The following PTPRD variants were observed in gnomAD, a reference collection of about 807,000 sequenced individuals.
The protein encoded by PTPRD is protein tyrosine phosphatase receptor type D.
A neutral mutation model predicts 214.5 loss-of-function variants in PTPRD; 34 were observed. The observed-to-expected ratio is 0.16, with a 90% CI of 0.12 to 0.21. The LOEUF (loss-of-function observed/expected upper bound fraction) is 0.21. Among genes scored for constraint, PTPRD ranks in the 10% least tolerant of loss-of-function variants. The pLI is 1.00. For synonymous variants in PTPRD, 1,128 were observed against 845.7 expected, an observed-to-expected ratio of 1.33 and a Z score of -5.79; for missense variants, 2,545 against 2,398.7, an observed-to-expected ratio of 1.06 and a Z score of -1.27.
intron 11 of PTPRD, among the ~76,000 whole-genome samples, chr9:8,972,162 A>G (rs1357818301): frequency 1.3e-5 from 2 of 151,818 alleles, no homozygotes; most frequent in Non-Finnish European, 2.9e-5. Context: ...CTATGATATT[A>G]TACCTTACCA....
intron 3 of PTPRD, among the ~76,000 whole-genome samples, chr9:10,039,201 A>G (rs1433692680): frequency 1.3e-5 from 2 of 152,100 alleles, no homozygotes; most frequent in East Asian, 3.9e-4. Flanking sequence ...ATCATCTACA[A>G]AAATTATGAA....
chr9:10,121,106 C>A lies in PTPRD; in HGVS notation c.-544-87316G>T, dbSNP rs372671078. On this transcript the variant is annotated intron_variant, in intron 3 of 45. Coordinates refer to ENST00000381196, the MANE Select transcript of PTPRD (RefSeq NM_002839.4). ...TGTTTTTAAAATACCTTTAATATTT[C>A]AATATTCTTTAAACTTGATTATTAG... Among the ~76,000 whole-genome samples the A allele has an allele frequency of 5.2e-4, 79 of 152,122 alleles. 2 individuals carry two copies. The South Asian group carries it at 0.016, about 30-fold the overall frequency.
chr9:8,331,310 A>G (rs1399655707), intron 44 of PTPRD, among the ~76,000 whole-genome samples: 2 of 152,164 alleles, frequency 1.3e-5, no homozygotes, highest in Admixed American at 1.3e-4. Flanking sequence ...GGTACCAACA[A>G]TTCCCATTAA....
chr9:9,841,480 T>G (rs1372019972), intron 5 of PTPRD, among the ~76,000 whole-genome samples: 2 of 152,140 alleles, frequency 1.3e-5, no homozygotes, highest in East Asian at 3.8e-4. Context: ...TGTATGCCAG[T>G]TCATGACAAA....
At chr9:8,799,965 TAATA>T (rs2096538381) in intron 11 of PTPRD, among the ~76,000 whole-genome samples, 1 of 151,966 alleles carries the variant, frequency 6.6e-6, no homozygotes, top group Non-Finnish European at 1.5e-5. Context: ...CTGTTAGAAA[TAATA>T]AATATAGTGC....
At chr9:10,307,521 A>G (rs1360204241) in intron 3 of PTPRD, among the ~76,000 whole-genome samples, 2 of 152,066 alleles carry the variant, frequency 1.3e-5, no homozygotes, top group Non-Finnish European at 2.9e-5. Context: ...TACAATATAC[A>G]TGGAGGTGAA....
At chr9:8,352,180 C>T (rs2075693254) in intron 39 of PTPRD, among the ~76,000 whole-genome samples, 2 of 151,912 alleles carry the variant, frequency 1.3e-5, no homozygotes, top group Admixed American at 1.3e-4. Flanking sequence ...GAACACACTC[C>T]CTATTATTCT....
At chr9:8,833,930 G>A (rs995594953) in intron 11 of PTPRD, among the ~76,000 whole-genome samples, 19 of 117,744 alleles carry the variant, frequency 1.6e-4, no homozygotes, top group Non-Finnish European at 2.8e-4. Context: ...AAAACACCGG[G>A]CATTTTAAGA....
intron 2 of PTPRD, among the ~76,000 whole-genome samples, chr9:10,448,225 C>T (rs1588392774): frequency 6.6e-6 from 1 of 151,892 alleles, no homozygotes; most frequent in South Asian, 2.1e-4. Context: ...TTGATTCTTC[C>T]AAACTTTTAA....
intron 5 of PTPRD, among the ~76,000 whole-genome samples, chr9:9,821,895 A>C (rs10816190): frequency 0.1 from 15,065 of 149,990 alleles, 2,276 homozygotes; most frequent in East Asian, 0.75. Flanking sequence ...TGCATGACTG[A>C]ATACTTTCCT....
chr9:9,144,061 T>A (rs1437966787), intron 10 of PTPRD, among the ~76,000 whole-genome samples: 1 of 152,244 alleles, frequency 6.6e-6, no homozygotes, highest in East Asian at 1.9e-4. Context: ...CACAGCCAAA[T>A]GTCTGATAAA....
At chr9:8,472,281 C>T (rs965622828) in intron 30 of PTPRD, among the ~76,000 whole-genome samples, 7 of 152,096 alleles carry the variant, frequency 4.6e-5, no homozygotes, top group Non-Finnish European at 8.8e-5. Flanking sequence ...CACACACACA[C>T]GGACCTAAAC....
intron 7 of PTPRD, among the ~76,000 whole-genome samples, chr9:9,613,071 T>A (rs1485999008): frequency 7.6e-6 from 1 of 131,584 alleles, no homozygotes; most frequent in East Asian, 2.2e-4. Flanking sequence ...CAAAGTCTCA[T>A]GATGCTGATG....
intron 3 of PTPRD, among the ~76,000 whole-genome samples, chr9:10,242,252 T>C (rs1461753173): frequency 1.3e-5 from 2 of 152,106 alleles, no homozygotes; most frequent in East Asian, 1.9e-4. Context: ...TCTAAACTGT[T>C]TGCAATAACA....
At chr9:9,536,284 T>C (rs1010308308) in intron 8 of PTPRD, among the ~76,000 whole-genome samples, 5 of 151,998 alleles carry the variant, frequency 3.3e-5, no homozygotes, top group Non-Finnish European at 5.9e-5. Flanking sequence ...TGGCTAAAGA[T>C]TAGCACACAA....
chr9:8,958,544 C>G (rs551057519), intron 11 of PTPRD, among the ~76,000 whole-genome samples: 1 of 152,002 alleles, frequency 6.6e-6, no homozygotes, highest in South Asian at 2.1e-4. Flanking sequence ...ATGATAAACC[C>G]ATTATCTACA....
intron 3 of PTPRD, among the ~76,000 whole-genome samples, chr9:10,278,319 G>A (rs2094850278): frequency 6.6e-6 from 1 of 152,114 alleles, no homozygotes; most frequent in Non-Finnish European, 1.5e-5. Flanking sequence ...GATAGTCTAT[G>A]CCTGTCCTTA....
At chr9:9,417,823 T>C (rs2077435315) in intron 8 of PTPRD, among the ~76,000 whole-genome samples, 1 of 152,072 alleles carries the variant, frequency 6.6e-6, no homozygotes, top group Non-Finnish European at 1.5e-5. Flanking sequence ...TTAAATAAAA[T>C]ATTGTGAAAG....
At chr9:10,035,030 C>G (rs888682822) in intron 3 of PTPRD, among the ~76,000 whole-genome samples, 3 of 152,184 alleles carry the variant, frequency 2.0e-5, no homozygotes, top group African/African-American at 7.2e-5. Context: ...AGTCTCCACA[C>G]TGTCTTCCAC....
Sources: gnomAD v4.1 joint callset for allele counts (sites outside exome capture counted in the v4.1 genomes callset) on GRCh38, gnomAD v4.1.1 for gene constraint, MANE v1.5 for transcripts, NCBI Gene and HGNC (gene_info 2026-07-23, HGNC 2026-07-21) for gene names.